The following UBQLN1 variants were observed in gnomAD, a reference collection of about 807,000 sequenced individuals.
The protein encoded by UBQLN1 is ubiquilin 1.
A neutral mutation model predicts 65.4 loss-of-function variants in UBQLN1; 13 were observed. That is an observed-to-expected ratio of 0.20 (90% CI 0.13 to 0.32). UBQLN1 has a LOEUF of 0.32. UBQLN1 is among the 10% of genes least tolerant of loss of function. The probability of loss-of-function intolerance (pLI) is 1.00; values close to 1 mark genes in which losing one functional copy is unlikely to be tolerated. For synonymous variants in UBQLN1, 267 were observed against 247.8 expected, an observed-to-expected ratio of 1.08 and a Z score of -0.73; for missense variants, 561 against 724.0, an observed-to-expected ratio of 0.77 and a Z score of 2.58.
chr9:83,702,600 G>A (rs1832330124), intron 1 of UBQLN1, among the ~76,000 whole-genome samples: 1 of 152,096 alleles, frequency 6.6e-6, no homozygotes, highest in African/African-American at 2.4e-5. Context: ...CTCACGATCT[G>A]CAAAATACTA....
chr9:83,673,546 TAAAAA>T (rs762494390), intron 6 of UBQLN1, among the ~76,000 whole-genome samples: 7 of 75,570 alleles, frequency 9.3e-5, no homozygotes, highest in East Asian at 1.9e-3. Context: ...CTCGGTCTTT[TAAAAA>T]AAAAAAAAAA....
chr9:83,688,405 T>C (rs113009464), intron 1 of UBQLN1, among the ~76,000 whole-genome samples: 1 of 152,124 alleles, frequency 6.6e-6, no homozygotes, highest in Non-Finnish European at 1.5e-5. Context: ...ATATGCAAAA[T>C]GAGAGGGTAA....
At chr9:83,674,215 A>G (rs901978531) in intron 6 of UBQLN1, among the ~76,000 whole-genome samples, 1 of 152,116 alleles carries the variant, frequency 6.6e-6, no homozygotes, top group Non-Finnish European at 1.5e-5. Context: ...GTATATACCA[A>G]TCATGCCAGA....
chr9:83,687,880 T>C (rs1832065350), intron 1 of UBQLN1, among the ~76,000 whole-genome samples: 1 of 152,188 alleles, frequency 6.6e-6, no homozygotes, highest in Non-Finnish European at 1.5e-5. Context: ...AAAACTATAC[T>C]TCAGTAAATA....
At chr9:83,685,615 TAAAAA>T (rs376944218) in intron 2 of UBQLN1, among the ~76,000 whole-genome samples, 1 of 131,864 alleles carries the variant, frequency 7.6e-6, no homozygotes, top group African/African-American at 2.8e-5. Context: ...CTCTGTCTCT[TAAAAA>T]AAAAAAAAAA....
chr9:83,661,948 G>GAAA lies in UBQLN1; in HGVS notation c.1618-12_1618-10dup. ...ACTTCTGGATTCTGTAGCTATTAAA[G>GAAA]AAAAAAAAAATTAATCCAACTCTAA... is the stretch of plus-strand genomic sequence containing the variant. On this transcript the variant is annotated splice_polypyrimidine_tract_variant and intron_variant, in intron 10 of 10. Coordinates refer to ENST00000376395, the MANE Select transcript of UBQLN1 (RefSeq NM_013438.5). The GAAA allele has an allele frequency of 6.6e-7, 1 of 1,525,296 alleles. No individual in the cohort carries two copies. The highest frequency in any genetic ancestry group is 8.9e-7 in the Non-Finnish European group (1 of 1,128,298). The allele number at this position is 1,525,296 out of a possible 1,614,324, so 94.5% of individuals were successfully genotyped here. A position where few individuals can be genotyped will look rare whatever the true frequency, so the allele number is the denominator to read the frequency against.
intron 1 of UBQLN1, among the ~76,000 whole-genome samples, chr9:83,688,509 A>G (rs1400328703): frequency 6.6e-6 from 1 of 152,152 alleles, no homozygotes; most frequent in African/African-American, 2.4e-5. Context: ...TTAATTACTG[A>G]ACATACAGTT....
In UBQLN1 at chr9:83,683,602, G is replaced by A. The variant is rs150272999; in HGVS notation, c.333-536C>T. On this transcript the variant is annotated intron_variant, in intron 2 of 10. Transcript: ENST00000376395. The stretch of plus-strand genomic sequence containing the variant: ...TATGCTGCAATTGCCCCTCCTCTTT[G>A]AGTATAATGTACACAAATATTTCAT... Among the ~76,000 whole-genome samples the A allele has an allele frequency of 5.0e-4, 76 of 152,216 alleles. No individual in the cohort carries two copies. In the East Asian group the frequency reaches 0.011, roughly 23 times the overall value.
chr9:83,663,783 C>T (rs1831599512), intron 10 of UBQLN1, 92 bp downstream of exon 10: 13 of 1,387,980 alleles, frequency 9.4e-6, no homozygotes, highest in South Asian at 4.2e-5. Context: ...AGAACTACTG[C>T]TTTCCTTTTT....
At chr9:83,701,897 A>G (rs1832316025) in intron 1 of UBQLN1, among the ~76,000 whole-genome samples, 1 of 152,242 alleles carries the variant, frequency 6.6e-6, no homozygotes, top group Non-Finnish European at 1.5e-5. Flanking sequence ...ATAGCCAGAA[A>G]GTAGAAACAA....
chr9:83,678,701 G>A lies in UBQLN1; in HGVS notation c.712-102C>T, dbSNP rs1013735669. ...CTGCCATTAAACAAAGTTTATGGGA[G>A]GCCACTGTTTTGTTTTGTTTTTTTA... is the stretch of plus-strand genomic sequence containing the variant. On this transcript the variant is annotated intron_variant, in intron 4 of 10. Coordinates refer to ENST00000376395, the MANE Select transcript of UBQLN1 (RefSeq NM_013438.5). 11 of 1,236,412 alleles carry A rather than the reference G, an allele frequency of 8.9e-6. No individual in the cohort carries two copies. In the African/African-American group the frequency reaches 1.7e-4, roughly 19 times the overall value. 76.6% of individuals were successfully genotyped at this position (1,236,412 alleles called of 1,614,324 possible).
At chr9:83,671,194 G>T (rs13301873) in intron 6 of UBQLN1, among the ~76,000 whole-genome samples, 2 of 152,118 alleles carry the variant, frequency 1.3e-5, no homozygotes, top group African/African-American at 4.8e-5. Context: ...CTCCTCCATA[G>T]AAGTCTTGAA....
intron 1 of UBQLN1, among the ~76,000 whole-genome samples, chr9:83,702,256 T>G (rs1832321523): frequency 6.6e-6 from 1 of 152,180 alleles, no homozygotes; most frequent in African/African-American, 2.4e-5. Context: ...ATTACATCAA[T>G]TACAGACTTT....
chr9:83,667,986 A>C (rs1831669935), intron 7 of UBQLN1: 8 of 985,392 alleles, frequency 8.1e-6, no homozygotes, highest in Non-Finnish European at 9.6e-6. Context: ...CAAAATTGCT[A>C]CGCATGTGCT....
intron 6 of UBQLN1, among the ~76,000 whole-genome samples, chr9:83,672,818 T>C (rs1225105043): frequency 1.3e-5 from 2 of 152,212 alleles, no homozygotes; most frequent in Non-Finnish European, 2.9e-5. Flanking sequence ...AATCACACTA[T>C]CTGTGAAGCA....
At chr9:83,663,816 G>T in intron 10 of UBQLN1, 59 bp downstream of exon 10, 3 of 1,549,298 alleles carry the variant, frequency 1.9e-6, no homozygotes, top group Non-Finnish European at 1.7e-6. Context: ...CTTCTTTTTG[G>T]AAATTTCTAA....
chr9:83,699,510 A>G (rs1832276215), intron 1 of UBQLN1, among the ~76,000 whole-genome samples: 1 of 151,982 alleles, frequency 6.6e-6, no homozygotes, highest in African/African-American at 2.4e-5. Flanking sequence ...ATTTTTTTGT[A>G]GACAGGCTGG....
intron 1 of UBQLN1, among the ~76,000 whole-genome samples, chr9:83,689,649 G>A (rs931072497): frequency 6.6e-6 from 1 of 152,178 alleles, no homozygotes; most frequent in African/African-American, 2.4e-5. Flanking sequence ...AAGAAATCAA[G>A]TGTTGATCAA....
At chr9:83,684,660 A>T (rs1258095074) in intron 2 of UBQLN1, among the ~76,000 whole-genome samples, 1 of 152,052 alleles carries the variant, frequency 6.6e-6, no homozygotes, top group Non-Finnish European at 1.5e-5. Flanking sequence ...AAAAATACAA[A>T]ATTAGCCGGG....
Sources: gnomAD v4.1 joint callset for allele counts (sites outside exome capture counted in the v4.1 genomes callset) on GRCh38, gnomAD v4.1.1 for gene constraint, MANE v1.5 for transcripts, NCBI Gene and HGNC (gene_info 2026-07-23, HGNC 2026-07-21) for gene names.